MED13L: variants seen among roughly 807,000 people sequenced by gnomAD.
The protein encoded by MED13L is mediator complex subunit 13L, also known as mediator of RNA polymerase II transcription subunit 13-like.
MED13L carries 7 observed loss-of-function variants against 220.9 expected under a neutral mutation model. That is an observed-to-expected ratio of 0.03 (90% confidence interval 0.02 to 0.06). The LOEUF is 0.06. Among genes scored for constraint, MED13L ranks in the 10% least tolerant of loss-of-function variants. The pLI, the probability that MED13L is intolerant of heterozygous loss-of-function variation, is 1.00. For missense variants in MED13L, 1,965 were observed against 2,760.5 expected (o/e 0.71, Z 6.46); for synonymous variants, 1,011 against 1,015.2 (o/e 1.00, Z 0.08).
chr12:116,035,213 T>C (rs1356276402), intron 4 of MED13L, among the ~76,000 whole-genome samples: 2 of 152,104 alleles, frequency 1.3e-5, no homozygotes, highest in African/African-American at 4.8e-5. Flanking sequence ...CGTGAAACTA[T>C]GGTACTCACT....
At chr12:116,245,368 G>A (rs1361296179) in intron 1 of MED13L, among the ~76,000 whole-genome samples, 5 of 152,130 alleles carry the variant, frequency 3.3e-5, no homozygotes, top group Non-Finnish European at 2.9e-5. Flanking sequence ...TCAGTGAGGC[G>A]CACAGTTAAG....
intron 1 of MED13L, among the ~76,000 whole-genome samples, chr12:116,267,616 T>C (rs1872930135): frequency 6.6e-6 from 1 of 152,240 alleles, no homozygotes; most frequent in Non-Finnish European, 1.5e-5. Context: ...GTGATCATAC[T>C]AGTAAAAATG....
Position 115,958,797 on chromosome 12 carries a change from A to C in MED13L, c.*2469T>G, listed in dbSNP as rs118021728. The C allele has an allele frequency of 5.2e-5, 8 of 152,732 alleles. No individual in the cohort carries two copies. Among genetic ancestry groups the C allele is most frequent in the Non-Finnish European group, 1.0e-4 (7 of 68,036 alleles). The allele number at this position is 152,732 out of a possible 1,614,324, so 9.5% of individuals were successfully genotyped here. A position where few individuals can be genotyped will look rare whatever the true frequency, so the allele number is the denominator to read the frequency against. On this transcript the variant is annotated 3_prime_UTR_variant, in exon 31 of 31. Transcript: ENST00000281928. ...TCAAATTGTTTGCTATATATAAAAG[A>C]AGCTCACTGCAAAATGCTTGAAGGA...
Position 116,162,866 on chromosome 12 carries a change from T to C in MED13L, c.311-51354A>G, listed in dbSNP as rs77014903. Reference sequence around the variant, plus strand: ...GTAAAAATTCAAGTTGAACTGATCATTGAAGTCTTATTAAATCAAGACTTT... The same window carrying C: ...GTAAAAATTCAAGTTGAACTGATCACTGAAGTCTTATTAAATCAAGACTTT... On this transcript the variant is annotated intron_variant, in intron 2 of 30. Transcript: ENST00000281928. Among the ~76,000 whole-genome samples, 1,229 of 152,268 alleles carry C rather than the reference T, an allele frequency of 8.1e-3. 24 individuals carry two copies. The highest frequency in any genetic ancestry group is 0.028 in the African/African-American group (1,150 of 41,560).
chr12:116,116,761 A>G (rs1874557738), intron 2 of MED13L, among the ~76,000 whole-genome samples: 2 of 151,806 alleles, frequency 1.3e-5, no homozygotes, highest in African/African-American at 4.8e-5. Flanking sequence ...GAGGACACCC[A>G]GCTGGTGTCC....
At chr12:115,999,399 A>T (rs912144423) in intron 14 of MED13L, among the ~76,000 whole-genome samples, 27 of 152,162 alleles carry the variant, frequency 1.8e-4, no homozygotes, top group Non-Finnish European at 3.5e-4. Context: ...TCAAAAAAAA[A>T]AAAAGTTCAT....
At chr12:116,211,380 C>G (rs1431721566) in intron 2 of MED13L, among the ~76,000 whole-genome samples, 3 of 151,968 alleles carry the variant, frequency 2.0e-5, no homozygotes, top group African/African-American at 4.8e-5. Flanking sequence ...ACTTGAGAGT[C>G]AAAGTCCCTG....
At chr12:116,156,402 T>TAA (rs11366103) in intron 2 of MED13L, among the ~76,000 whole-genome samples, 12,025 of 119,208 alleles carry the variant, frequency 0.1, 646 homozygotes, top group East Asian at 0.22. Flanking sequence ...TCCAATTACT[T>TAA]AAAAAAAAAA....
chr12:116,008,941 G>A lies in MED13L; in HGVS notation c.1472C>T (p.Pro491Leu). 6.2e-7 allele frequency: 1 copy of A among 1,614,064 alleles called. No homozygotes were observed. The highest frequency in any genetic ancestry group is 1.6e-4 in the Middle Eastern group (1 of 6,062). Residue 491 changes from proline to leucine, a missense_variant, in exon 10 of 31, where the codon CCC becomes CTC. Coordinates refer to ENST00000281928, the MANE Select transcript of MED13L (RefSeq NM_015335.5). ...CATGCATAATTCTTCGGCCACAGAGGGCCTATGGTGAAATGGTATTAAGGG... is the reference window on the plus strand; with the variant it reads ...CATGCATAATTCTTCGGCCACAGAGAGCCTATGGTGAAATGGTATTAAGGG... ...KRPLIPFHHR[P>L]SVAEELCMEQ...
chr12:116,272,114 G>T (rs1190320514), intron 1 of MED13L, among the ~76,000 whole-genome samples: 2 of 152,156 alleles, frequency 1.3e-5, no homozygotes, highest in African/African-American at 4.8e-5. Context: ...TATGTAAATA[G>T]TAATATTTAC....
In MED13L at chr12:116,111,515, GAAA is replaced by G; in HGVS notation, c.311-6_311-4del. The G allele has an allele frequency of 7.4e-7, 1 of 1,359,696 alleles. No individual in the cohort carries two copies. The highest frequency in any genetic ancestry group is 9.8e-7 in the Non-Finnish European group (1 of 1,016,574). 84.2% of individuals were successfully genotyped at this position (1,359,696 alleles called of 1,614,324 possible). ...TTCCCAGAGTCCTTCTTCCACAACT[GAAA>G]AAAAAAAGAAAAAAGAAAAAAAAAG... On this transcript the variant is annotated splice_region_variant and splice_polypyrimidine_tract_variant and intron_variant, in intron 2 of 30. Transcript: ENST00000281928.
intron 4 of MED13L, among the ~76,000 whole-genome samples, chr12:116,031,803 A>AAGGAAGGAAGGAAGGAAGGAAGGAAG (rs1566021046): frequency 4.5e-5 from 4 of 89,556 alleles, no homozygotes; most frequent in African/African-American, 1.1e-4. Context: ...AAGGAAGGAA[A>AAGGAAGGAAGGAAGGAAGGAAGGAAG]GAAAGAGAGA....
At chr12:116,014,189 A>C (rs1592948300) in intron 8 of MED13L, among the ~76,000 whole-genome samples, 1 of 152,262 alleles carries the variant, frequency 6.6e-6, no homozygotes, top group East Asian at 1.9e-4. Flanking sequence ...TGAAATTGCT[A>C]AAAGCTGGGT....
chr12:115,963,524 T>C lies in MED13L; in HGVS notation c.6388-5A>G, dbSNP rs1592891018. The C allele has an allele frequency of 1.2e-6, 2 of 1,606,260 alleles. No individual in the cohort carries two copies. The highest frequency in any genetic ancestry group is 2.2e-5 in the East Asian group (1 of 44,814). On this transcript the variant is annotated splice_region_variant and splice_polypyrimidine_tract_variant and intron_variant, in intron 29 of 30. Coordinates refer to ENST00000281928, the MANE Select transcript of MED13L (RefSeq NM_015335.5). ...AATGTGGTGATGCAGCGAAGCCTGG[T>C]GAAAAAACAAAGAGAGTTACCTCTC... is the stretch of plus-strand genomic sequence containing the variant.
Position 116,277,232 on chromosome 12 carries a change from G to T in MED13L, c.-101C>A, listed in dbSNP as rs1349087349. 4 of 531,440 alleles carry T rather than the reference G, an allele frequency of 7.5e-6. No individual in the cohort carries two copies. Among genetic ancestry groups the T allele is most frequent in the South Asian group, 1.6e-4 (2 of 12,580 alleles). The allele number at this position is 531,440 out of a possible 1,614,324, so 32.9% of individuals were successfully genotyped here. A position where few individuals can be genotyped will look rare whatever the true frequency, so the allele number is the denominator to read the frequency against. Reference sequence around the variant, plus strand: ...GGCGCCTCGCCGGGGAGCGCGGGGCGGCCGGGCCGCCGCCGCCGCCGGGGG... The same window carrying T: ...GGCGCCTCGCCGGGGAGCGCGGGGCTGCCGGGCCGCCGCCGCCGCCGGGGG... On this transcript the variant is annotated 5_prime_UTR_variant, in exon 1 of 31. Coordinates refer to ENST00000281928, the MANE Select transcript of MED13L (RefSeq NM_015335.5).
chr12:116,010,119 C>T (rs760372755), intron 9 of MED13L, among the ~76,000 whole-genome samples: 8 of 152,106 alleles, frequency 5.3e-5, no homozygotes, highest in Non-Finnish European at 8.8e-5. Flanking sequence ...GGATGGCTGC[C>T]CTGCTCCATA....
chr12:116,244,864 G>T (rs533982688), intron 1 of MED13L, among the ~76,000 whole-genome samples: 1 of 152,262 alleles, frequency 6.6e-6, no homozygotes, highest in African/African-American at 2.4e-5. Flanking sequence ...AAGTGAGCGG[G>T]TCTCTTGAGC....
At chr12:116,014,875 T>TG (rs1158261823) in intron 8 of MED13L, among the ~76,000 whole-genome samples, 1 of 152,222 alleles carries the variant, frequency 6.6e-6, no homozygotes, top group Non-Finnish European at 1.5e-5. Context: ...CATGCCAATC[T>TG]GTACAGTATC....
At chr12:116,178,825 TAG>T (rs1880273806) in intron 2 of MED13L, among the ~76,000 whole-genome samples, 1 of 152,242 alleles carries the variant, frequency 6.6e-6, no homozygotes, top group Non-Finnish European at 1.5e-5. Context: ...TGTGACTGCT[TAG>T]AGTCTGCAAG....
Sources: allele counts gnomAD v4.1 joint callset (sites outside exome capture counted in the v4.1 genomes callset), GRCh38; gene constraint gnomAD v4.1.1; transcripts MANE v1.5; gene names NCBI Gene and HGNC (gene_info 2026-07-23, HGNC 2026-07-21).